KIDINS220: variants seen among roughly 807,000 people sequenced by gnomAD.
The protein encoded by KIDINS220 is kinase D interacting substrate 220, also known as kinase D-interacting substrate of 220 kDa.
In KIDINS220, 63 loss-of-function variants were observed where a neutral mutation model predicts 157.6. The observed-to-expected ratio is 0.40, with a 90% confidence interval of 0.33 to 0.49. The LOEUF (loss-of-function observed/expected upper bound fraction) is 0.49, where lower values mean the gene tolerates loss of function less well. KIDINS220 is among the 20% of genes least tolerant of loss of function. The probability of loss-of-function intolerance (pLI) is 0.66; values close to 1 mark genes in which losing one functional copy is unlikely to be tolerated. For missense variants in KIDINS220, 1,772 were observed against 2,171.2 expected, an observed-to-expected ratio of 0.82 and a Z score of 3.65; for synonymous variants, 732 against 783.6, an observed-to-expected ratio of 0.93 and a Z score of 1.10.
At position 8,790,033 on chromosome 2, in the gene KIDINS220, G is replaced by C. The variant is rs777483491; in HGVS notation, c.1468C>G (p.Gln490Glu). The change falls in exon 14 of 30, where the codon CAG (glutamine) becomes GAG (glutamate). Residue 490 changes from glutamine to glutamate, a missense_variant. Gln to Glu is a conservative substitution (Grantham distance 29). This residue lies in a region of KIDINS220 where 725 missense variants were observed against 1,017.1 expected (regional missense o/e 0.71). Coordinates refer to ENST00000256707, the MANE Select transcript of KIDINS220 (RefSeq NM_020738.4). Reference sequence around the variant, plus strand: ...GAGAACTGAAAGAGAGGCTCAATCTGTTGTCCGGCGAAGGTTTTCATTTCG... The same window carrying C: ...GAGAACTGAAAGAGAGGCTCAATCTCTTGTCCGGCGAAGGTTTTCATTTCG... ...EDEMKTFAGQ[Q>E]IEPLFQFSWL... 6 of 1,598,856 alleles carry C rather than the reference G, an allele frequency of 3.8e-6. No homozygotes were observed. In the South Asian group the frequency reaches 6.9e-5, roughly 18 times the overall value.
At chr2:8,813,187 A>T (rs71437638) in intron 5 of KIDINS220, 50 bp downstream of exon 5, 1 of 1,271,700 alleles carries the variant, frequency 7.9e-7, no homozygotes, top group South Asian at 1.3e-5. Flanking sequence ...AGTATTCCCT[A>T]AGAAAACTTA....
intron 17 of KIDINS220, among the ~76,000 whole-genome samples, chr2:8,781,153 A>ATATAATATATAT (rs70946383): frequency 4.1e-4 from 54 of 130,410 alleles, no homozygotes; most frequent in African/African-American, 1.2e-3. Flanking sequence ...ATATATATAT[A>ATATAATATATAT]ATATATATAT....
At chr2:8,824,144 G>A (rs947607001) in intron 2 of KIDINS220, among the ~76,000 whole-genome samples, 2 of 152,020 alleles carry the variant, frequency 1.3e-5, no homozygotes, top group African/African-American at 4.8e-5. Flanking sequence ...CAGCTGCTAC[G>A]CAAGTTAAAT....
At chr2:8,732,066 C>G (rs1192979785) in intron 29 of KIDINS220, 84 bp from the exon 30 acceptor site, 1 of 1,171,970 alleles carries the variant, frequency 8.5e-7, no homozygotes, top group Admixed American at 2.8e-5. Flanking sequence ...TATATATGTA[C>G]ACTAACCATT....
intron 11 of KIDINS220, 150 bp from the exon 12 acceptor site, chr2:8,794,137 A>G: frequency 1.9e-6 from 1 of 532,518 alleles, no homozygotes; most frequent in South Asian, 3.4e-5. Context: ...TTTTATCTCT[A>G]TCTTCCCCAT....
intron 26 of KIDINS220, among the ~76,000 whole-genome samples, chr2:8,741,463 C>T (rs1381800808): frequency 1.3e-5 from 2 of 151,984 alleles, no homozygotes; most frequent in Non-Finnish European, 2.9e-5. Flanking sequence ...CGCCTGGGTC[C>T]CAGCTACTCG....
intron 17 of KIDINS220, among the ~76,000 whole-genome samples, chr2:8,780,790 A>G (rs1025182468): frequency 6.6e-6 from 1 of 152,040 alleles, no homozygotes; most frequent in Admixed American, 6.6e-5. Context: ...TACAACTGAT[A>G]TGCTAAGAAA....
chr2:8,832,606 G>A (rs1679809034), intron 1 of KIDINS220, among the ~76,000 whole-genome samples: 1 of 152,192 alleles, frequency 6.6e-6, no homozygotes, highest in Admixed American at 6.5e-5. Context: ...ACTAAAAGGA[G>A]GAGATGATTA....
intron 26 of KIDINS220, chr2:8,740,124 AG>A: frequency 1.0e-6 from 1 of 958,204 alleles, no homozygotes; most frequent in Non-Finnish European, 1.2e-6. Context: ...TAATAAGAAA[AG>A]TAAGATTTCA....
At chr2:8,781,458 A>G (rs1036957536) in intron 17 of KIDINS220, among the ~76,000 whole-genome samples, 1 of 152,072 alleles carries the variant, frequency 6.6e-6, no homozygotes, top group African/African-American at 2.4e-5. Flanking sequence ...AGAAAAAAAA[A>G]CAGAATACAC....
At chr2:8,733,895 A>G (rs938016166) in intron 28 of KIDINS220, among the ~76,000 whole-genome samples, 1 of 152,196 alleles carries the variant, frequency 6.6e-6, no homozygotes, top group Non-Finnish European at 1.5e-5. Context: ...CACCATACAT[A>G]TACTACACTG....
intron 21 of KIDINS220, among the ~76,000 whole-genome samples, chr2:8,775,352 T>G (rs79505674): frequency 6.6e-6 from 1 of 151,994 alleles, no homozygotes; most frequent in East Asian, 1.9e-4. Context: ...CAGGTCTAGA[T>G]AGAAAAGGAG....
intron 22 of KIDINS220, among the ~76,000 whole-genome samples, chr2:8,752,897 T>G (rs969746222): frequency 3.3e-5 from 5 of 152,200 alleles, no homozygotes; most frequent in African/African-American, 1.2e-4. Flanking sequence ...CAGAATGTTT[T>G]GTATAACTGA....
chr2:8,836,552 C>G (rs113247543), intron 1 of KIDINS220, among the ~76,000 whole-genome samples: 19 of 152,360 alleles, frequency 1.2e-4, no homozygotes, highest in African/African-American at 4.3e-4. Context: ...GACATTTTAA[C>G]AAGCACCCCA....
intron 1 of KIDINS220, among the ~76,000 whole-genome samples, chr2:8,831,771 A>G (rs1425992545): frequency 6.6e-6 from 1 of 152,238 alleles, no homozygotes; most frequent in African/African-American, 2.4e-5. Context: ...CTGACCCGGC[A>G]CACACAGCCA....
rs776390582 is a variant in KIDINS220 at position 8,747,902 on chromosome 2, A to T, written c.3513T>A (p.Asp1171Glu). The T allele has an allele frequency of 1.2e-6, 2 of 1,601,174 alleles. No homozygotes were observed. Among genetic ancestry groups the T allele is most frequent in the Admixed American group, 1.7e-5 (1 of 57,756 alleles). Residue 1171 changes from aspartate to glutamate, a missense_variant, in exon 25 of 30, where the codon GAT (aspartate) becomes GAA (glutamate). Transcript: ENST00000256707. Reference sequence around the variant, plus strand: ...ATATACTTACTAGGCCATTGTTCTGATCTCTGGGCAAACTCGTTTTTACTG... The same window carrying T: ...ATATACTTACTAGGCCATTGTTCTGTTCTCTGGGCAAACTCGTTTTTACTG... ...RPSVKTSLPR[D>E]QNNGLEVIKE...
downstream of KIDINS220, chr2:8,728,854 A>C (rs1394465041): frequency 1.0e-6 from 1 of 985,214 alleles, no homozygotes; most frequent in Non-Finnish European, 1.2e-6. Context: ...CATGTGACAA[A>C]ACAAACACAC....
At chr2:8,771,943 T>C (rs1258050359) in intron 21 of KIDINS220, among the ~76,000 whole-genome samples, 3 of 151,682 alleles carry the variant, frequency 2.0e-5, no homozygotes, top group Non-Finnish European at 4.4e-5. Flanking sequence ...TAAGGGAAGA[T>C]TTCCTTAAGA....
At chr2:8,834,886 G>C (rs574895979) in intron 1 of KIDINS220, among the ~76,000 whole-genome samples, 37 of 152,256 alleles carry the variant, frequency 2.4e-4, no homozygotes, top group African/African-American at 8.7e-4. Flanking sequence ...CTATTGCCCA[G>C]GATGGAGTGC....
Sources: gnomAD v4.1 joint callset for allele counts (sites outside exome capture counted in the v4.1 genomes callset) on GRCh38, gnomAD v4.1.1 for gene constraint, gnomAD v4.1.1 regional missense constraint, MANE v1.5 for transcripts, NCBI Gene and HGNC (gene_info 2026-07-23, HGNC 2026-07-21) for gene names.